The following CERS6 variants were observed in gnomAD, a reference collection of about 807,000 sequenced individuals.
The protein encoded by CERS6 is LAG1 homolog, ceramide synthase 6.
CERS6 carries 26 observed loss-of-function variants against 56.8 expected under a neutral mutation model. The observed-to-expected ratio is 0.46, with a 90% CI of 0.34 to 0.63. CERS6 has a LOEUF of 0.63. Among genes scored for constraint, CERS6 ranks in the 30% least tolerant of loss-of-function variants. The probability of loss-of-function intolerance (pLI) is 0.01; values close to 1 mark genes in which losing one functional copy is unlikely to be tolerated. For synonymous variants in CERS6, 164 were observed against 173.3 expected, an observed-to-expected ratio of 0.95 and a Z score of 0.42; for missense variants, 415 against 467.5, an observed-to-expected ratio of 0.89 and a Z score of 1.04.
At chr2:168,490,076 C>G (rs1191785323) in intron 1 of CERS6, among the ~76,000 whole-genome samples, 1 of 152,120 alleles carries the variant, frequency 6.6e-6, no homozygotes, top group Non-Finnish European at 1.5e-5. Flanking sequence ...GTTTCAAAGC[C>G]TTTGTGATGC....
At chr2:168,564,480 C>T (rs928421109) in intron 3 of CERS6, among the ~76,000 whole-genome samples, 1 of 152,038 alleles carries the variant, frequency 6.6e-6, no homozygotes, top group Non-Finnish European at 1.5e-5. Flanking sequence ...TACTACTATC[C>T]CCATGTTGTG....
At chr2:168,524,850 A>G (rs10171601) in intron 1 of CERS6, among the ~76,000 whole-genome samples, 26,547 of 150,898 alleles carry the variant, frequency 0.18, 2,711 homozygotes, top group Middle Eastern at 0.24. Context: ...TATAGTATAT[A>G]TTAATATATA....
At chr2:168,763,869 T>C (rs1013812201) in intron 8 of CERS6, among the ~76,000 whole-genome samples, 57 of 152,118 alleles carry the variant, frequency 3.7e-4, no homozygotes, top group African/African-American at 1.3e-3. Flanking sequence ...AGAGTAAGAA[T>C]GATTCCAAAA....
At chr2:168,588,449 T>G (rs977584843) in intron 3 of CERS6, among the ~76,000 whole-genome samples, 5 of 152,096 alleles carry the variant, frequency 3.3e-5, no homozygotes, top group African/African-American at 9.7e-5. Flanking sequence ...TAACCCCCAC[T>G]CTACTTTGTT....
chr2:168,725,985 T>G (rs1398427646), intron 8 of CERS6, among the ~76,000 whole-genome samples: 1 of 152,242 alleles, frequency 6.6e-6, no homozygotes, highest in African/African-American at 2.4e-5. Context: ...AGTCCACTTA[T>G]GTGTAATCTC....
Position 168,771,504 on chromosome 2 carries a change from T to C in CERS6, c.*1842T>C, listed in dbSNP as rs1189878873. ...CACAAAACAGGCATATGTCTAGGAG[T>C]GTAATTTGTGGATGGTTGAGTTTGT... On this transcript the variant is annotated 3_prime_UTR_variant, in exon 10 of 10. Transcript: ENST00000305747. 2.6e-5 allele frequency: 4 copies of C among 152,092 alleles called. No homozygotes were observed. Among genetic ancestry groups the C allele is most frequent in the Non-Finnish European group, 5.9e-5 (4 of 68,010 alleles). 9.4% of individuals were successfully genotyped at this position (152,092 alleles called of 1,614,324 possible).
At chr2:168,726,678 A>G (rs1351957678) in intron 8 of CERS6, among the ~76,000 whole-genome samples, 1 of 152,210 alleles carries the variant, frequency 6.6e-6, no homozygotes, top group Non-Finnish European at 1.5e-5. Context: ...CTTACCAAAA[A>G]TGTTAAGGAT....
At chr2:168,654,563 A>G (rs1685423450) in intron 4 of CERS6, among the ~76,000 whole-genome samples, 1 of 152,146 alleles carries the variant, frequency 6.6e-6, no homozygotes. Flanking sequence ...AAACAAAACA[A>G]AAAACCCAAA....
At chr2:168,521,443 A>G (rs905893287) in intron 1 of CERS6, among the ~76,000 whole-genome samples, 7 of 152,102 alleles carry the variant, frequency 4.6e-5, no homozygotes, top group African/African-American at 1.7e-4. Context: ...AGATTCCATG[A>G]GATAAAGGGT....
chr2:168,583,765 A>G (rs138769573), intron 3 of CERS6, among the ~76,000 whole-genome samples: 1 of 152,182 alleles, frequency 6.6e-6, no homozygotes, highest in Non-Finnish European at 1.5e-5. Context: ...TCCTGCTCTG[A>G]TGTATCATTA....
chr2:168,616,316 G>GA (rs200365324), intron 3 of CERS6, among the ~76,000 whole-genome samples: 70 of 149,482 alleles, frequency 4.7e-4, no homozygotes, highest in African/African-American at 1.6e-3. Flanking sequence ...TACAATTTAG[G>GA]AAAAAAAAAT....
intron 4 of CERS6, among the ~76,000 whole-genome samples, chr2:168,656,532 C>T (rs1157375934): frequency 1.3e-5 from 2 of 151,820 alleles, no homozygotes; most frequent in Admixed American, 6.6e-5. Context: ...CAGACCTTCG[C>T]GGTGAGTGTT....
intron 4 of CERS6, among the ~76,000 whole-genome samples, chr2:168,654,790 GTT>G: frequency 6.6e-6 from 1 of 152,256 alleles, no homozygotes; most frequent in South Asian, 2.1e-4. Flanking sequence ...TTATCTCATG[GTT>G]TTATAGAACA....
chr2:168,472,179 A>G (rs953988993), intron 1 of CERS6, among the ~76,000 whole-genome samples: 1 of 152,164 alleles, frequency 6.6e-6, no homozygotes, highest in Non-Finnish European at 1.5e-5. Flanking sequence ...GAAAAATGCT[A>G]TTTTTTTCTA....
At chr2:168,688,391 T>C (rs1215813747) in intron 4 of CERS6, among the ~76,000 whole-genome samples, 1 of 144,416 alleles carries the variant, frequency 6.9e-6, no homozygotes, top group African/African-American at 2.5e-5. Flanking sequence ...TACTCCAGCC[T>C]GGCGACAAAG....
rs1410669591 is a variant in CERS6, at chr2:168,524,724, CTCT to C, written c.171-22867_171-22865del. Among the ~76,000 whole-genome samples the C allele has an allele frequency of 2.6e-5, 4 of 152,200 alleles. No homozygotes were observed. In the South Asian group the frequency reaches 6.2e-4, roughly 24 times the overall value. On this transcript the variant is annotated intron_variant, in intron 1 of 9. Transcript: ENST00000305747. ...TAGAATGAGACAGATGATCATTTTA[CTCT>C]TCTTTTAGTAAATACGGGGTTTTAT...
At chr2:168,731,549 A>AT (rs1360539690) in intron 8 of CERS6, among the ~76,000 whole-genome samples, 1 of 152,130 alleles carries the variant, frequency 6.6e-6, no homozygotes, top group Non-Finnish European at 1.5e-5. Context: ...GGAAAACATC[A>AT]TCATACAGCA....
At chr2:168,507,473 A>G (rs954334552) in intron 1 of CERS6, among the ~76,000 whole-genome samples, 2 of 151,924 alleles carry the variant, frequency 1.3e-5, no homozygotes, top group African/African-American at 4.8e-5. Flanking sequence ...CAGTTAATGC[A>G]TTCTTGGTGG....
chr2:168,617,609 CA>C (rs1684348761), intron 3 of CERS6, among the ~76,000 whole-genome samples: 2 of 152,118 alleles, frequency 1.3e-5, no homozygotes, highest in Admixed American at 1.3e-4. Flanking sequence ...AACACCTCTA[CA>C]CCCGTAAACC....
Sources: allele counts gnomAD v4.1 joint callset (sites outside exome capture counted in the v4.1 genomes callset), GRCh38; gene constraint gnomAD v4.1.1; transcripts MANE v1.5; gene names NCBI Gene and HGNC (gene_info 2026-07-23, HGNC 2026-07-21).